TAB2: variants seen among roughly 807,000 people sequenced by gnomAD.
The protein encoded by TAB2 is TGF-beta activated kinase 1 (MAP3K7) binding protein 2, also known as TGF-beta-activated kinase 1 and MAP3K7-binding protein 2.
A neutral mutation model predicts 65.0 loss-of-function variants in TAB2; 3 were observed. The ratio of observed to expected loss-of-function variants is 0.05; its 90% CI spans 0.02 to 0.12. TAB2 has a LOEUF of 0.12. Ranked by LOEUF, TAB2 falls within the 10% of genes least tolerant of loss-of-function variation. TAB2 has a pLI of 1.00. For synonymous variants in TAB2, 298 were observed against 285.1 expected (o/e 1.05, Z -0.46); for missense variants, 623 against 840.3 (o/e 0.74, Z 3.20).
At chr6:149,297,935 A>AG (rs1285317437) in intron 1 of TAB2, among the ~76,000 whole-genome samples, 1 of 152,242 alleles carries the variant, frequency 6.6e-6, no homozygotes, top group African/African-American at 2.4e-5. Context: ...ATTATACTGC[A>AG]GGTTCCCTAT....
In TAB2 at chr6:149,292,073, A is replaced by T. The variant is rs565086227; in HGVS notation, c.-121+73297A>T. On this transcript the variant is annotated intron_variant, in intron 1 of 1. Coordinates refer to the TAB2 transcript ENST00000606202. ...AACATACCAATGAACATTCATTAAAATTTTTGCAAATTAAGACCTAAATGA... is the reference window on the plus strand; with the variant it reads ...AACATACCAATGAACATTCATTAAATTTTTTGCAAATTAAGACCTAAATGA... Among the ~76,000 whole-genome samples the T allele has an allele frequency of 3.9e-5, 6 of 152,292 alleles. No individual in the cohort carries two copies. In the South Asian group the frequency reaches 1.2e-3, roughly 32 times the overall value.
intron 1 of TAB2, among the ~76,000 whole-genome samples, chr6:149,248,079 A>G (rs1214319146): frequency 6.6e-6 from 1 of 152,130 alleles, no homozygotes; most frequent in Non-Finnish European, 1.5e-5. Context: ...AGTAAAATAA[A>G]ATAAAAGACA....
chr6:149,360,198 AT>A (rs963197268), intron 1 of TAB2, among the ~76,000 whole-genome samples: 3 of 151,298 alleles, frequency 2.0e-5, no homozygotes, highest in Non-Finnish European at 4.4e-5. Flanking sequence ...TTTTTTCTGA[AT>A]TTTTTTTTAT....
intron 1 of TAB2, among the ~76,000 whole-genome samples, chr6:149,263,627 C>A (rs1778199900): frequency 6.6e-6 from 1 of 152,182 alleles, no homozygotes; most frequent in Non-Finnish European, 1.5e-5. Context: ...CAGAATATTC[C>A]AAATGAACGG....
intron 1 of TAB2, among the ~76,000 whole-genome samples, chr6:149,319,953 TTTAAC>T (rs1193013220): frequency 6.6e-6 from 1 of 152,194 alleles, no homozygotes; most frequent in Admixed American, 6.5e-5. Context: ...AAAAATAAAT[TTTAAC>T]TTAATCCCGT....
At chr6:149,317,246 C>A (rs1242486032), upstream of TAB2, among the ~76,000 whole-genome samples, 1 of 152,098 alleles carries the variant, frequency 6.6e-6, no homozygotes, top group Non-Finnish European at 1.5e-5. This position sits in a 1 kb window ranked among gnomAD's most constrained non-coding sequence, Gnocchi z 4.7. Flanking sequence ...GGGGCCCAGG[C>A]GGAGAAAGGG....
At chr6:149,390,400 C>G (rs1221682711) in intron 3 of TAB2, among the ~76,000 whole-genome samples, 2 of 152,126 alleles carry the variant, frequency 1.3e-5, no homozygotes, top group Non-Finnish European at 2.9e-5. Context: ...CTACAAGTCC[C>G]TAGTATATTT....
At chr6:149,350,031 A>G (rs898471282) in intron 1 of TAB2, among the ~76,000 whole-genome samples, 1 of 152,116 alleles carries the variant, frequency 6.6e-6, no homozygotes, top group Admixed American at 6.5e-5. Flanking sequence ...TCCTGGGTTC[A>G]AGCGATTCTT....
intron 1 of TAB2, among the ~76,000 whole-genome samples, chr6:149,367,806 A>G (rs1412801011): frequency 3.9e-5 from 6 of 152,116 alleles, no homozygotes; most frequent in Non-Finnish European, 5.9e-5. Flanking sequence ...GACCAACTGG[A>G]TGAATGGTGG....
chr6:149,285,247 T>C (rs1583064779), intron 1 of TAB2, among the ~76,000 whole-genome samples: 1 of 152,304 alleles, frequency 6.6e-6, no homozygotes, highest in Non-Finnish European at 1.5e-5. Flanking sequence ...ATATTAGTTA[T>C]TGCCAACAGT....
chr6:149,385,535 A>G (rs1173706128), intron 3 of TAB2, among the ~76,000 whole-genome samples: 3 of 152,246 alleles, frequency 2.0e-5, no homozygotes, highest in Admixed American at 2.0e-4. Flanking sequence ...AGATTAGTTG[A>G]CATTGGACCA....
At chr6:149,254,006 G>GAA (rs1554254265) in intron 1 of TAB2, among the ~76,000 whole-genome samples, 43 of 139,010 alleles carry the variant, frequency 3.1e-4, no homozygotes, top group African/African-American at 1.2e-3. Context: ...AAGAAAGAAA[G>GAA]AAAGAAAGAA....
chr6:149,388,954 C>CT (rs61577861), intron 3 of TAB2, among the ~76,000 whole-genome samples: 5,636 of 113,688 alleles, frequency 0.05, 366 homozygotes, highest in African/African-American at 0.15. Flanking sequence ...TAACAGAAAT[C>CT]TTTTTTTTTT....
chr6:149,393,024 G>A (rs1247806159), intron 3 of TAB2, among the ~76,000 whole-genome samples: 2 of 151,796 alleles, frequency 1.3e-5, no homozygotes, highest in Non-Finnish European at 2.9e-5. Context: ...TTTTTTCCCT[G>A]TAGTTCATCT....
chr6:149,354,072 T>C (rs1050084582), intron 1 of TAB2, among the ~76,000 whole-genome samples: 3 of 152,242 alleles, frequency 2.0e-5, no homozygotes, highest in Non-Finnish European at 4.4e-5. Flanking sequence ...TGTCCTTTAC[T>C]GGATATTGGT....
At chr6:149,278,671 G>A (rs117317130) in intron 1 of TAB2, among the ~76,000 whole-genome samples, 2,904 of 152,062 alleles carry the variant, frequency 0.019, 38 homozygotes, top group Middle Eastern at 0.075. Context: ...AAATAACAAC[G>A]CATATCATTC....
rs144617835 is a variant in TAB2, at chr6:149,396,280, A to G, written c.1604-1324A>G. Among the ~76,000 whole-genome samples the G allele has an allele frequency of 1.6e-3, 242 of 152,234 alleles. 1 individual carries two copies. Among genetic ancestry groups the G allele is most frequent in the African/African-American group, 4.7e-3 (196 of 41,524 alleles). ...TGATCCACCCTTCTCGGCCTCCCCA[A>G]AGTGCTGGAGTTACAGGTGTGAGCC... is the stretch of plus-strand genomic sequence containing the variant. On this transcript the variant is annotated intron_variant, in intron 3 of 6. Coordinates refer to ENST00000637181, the MANE Select transcript of TAB2 (RefSeq NM_001292034.3).
intron 1 of TAB2, among the ~76,000 whole-genome samples, chr6:149,254,474 C>G (rs1475304522): frequency 6.6e-6 from 1 of 152,214 alleles, no homozygotes; most frequent in Non-Finnish European, 1.5e-5. Context: ...CTTCAGTACT[C>G]TCTCTCCACA....
At chr6:149,237,982 C>T (rs542327000) in intron 1 of TAB2, among the ~76,000 whole-genome samples, 21 of 152,314 alleles carry the variant, frequency 1.4e-4, no homozygotes, top group African/African-American at 3.6e-4. Context: ...CCACACTCAG[C>T]GTTCCCATAG....
Sources: allele counts gnomAD v4.1 joint callset (sites outside exome capture counted in the v4.1 genomes callset), GRCh38; gene constraint gnomAD v4.1.1; non-coding constraint Gnocchi (gnomAD v3.1); transcripts MANE v1.5; gene names NCBI Gene and HGNC (gene_info 2026-07-23, HGNC 2026-07-21).